The following PIK3C2G variants were observed in gnomAD, a reference collection of about 807,000 sequenced individuals.
PIK3C2G encodes the protein phosphatidylinositol-4-phosphate 3-kinase catalytic subunit type 2 gamma.
PIK3C2G carries 168 observed loss-of-function variants against 181.1 expected under a neutral mutation model. The observed-to-expected ratio is 0.93, with a 90% CI of 0.82 to 1.05. The LOEUF (loss-of-function observed/expected upper bound fraction) is 1.05, where lower values mean the gene tolerates loss of function less well. Among genes scored for constraint, PIK3C2G ranks in the 50% least tolerant of loss-of-function variants. The probability of loss-of-function intolerance (pLI) is 0.00; values close to 1 mark genes in which losing one functional copy is unlikely to be tolerated. For synonymous variants in PIK3C2G, 573 were observed against 592.2 expected, an observed-to-expected ratio of 0.97 and a Z score of 0.47; for missense variants, 1,869 against 1,732.8, an observed-to-expected ratio of 1.08 and a Z score of -1.40.
chr12:18,601,758 A>C (rs765533807), intron 30 of PIK3C2G, among the ~76,000 whole-genome samples: 4 of 152,186 alleles, frequency 2.6e-5, no homozygotes, highest in Admixed American at 6.5e-5. Context: ...AACAACAAAA[A>C]ACGTCCAAAT....
At chr12:18,658,891 G>A in the PIK3C2G span, among the ~76,000 whole-genome samples, 7 of 152,116 alleles carry the variant, frequency 4.6e-5, no homozygotes, top group African/African-American at 1.7e-4. Context: ...TATGAAACCT[G>A]TAAAAATGAG....
chr12:18,560,867 A>G (rs1945309110), intron 26 of PIK3C2G, among the ~76,000 whole-genome samples: 1 of 152,214 alleles, frequency 6.6e-6, no homozygotes, highest in South Asian at 2.1e-4. Context: ...TTGCAGAAAG[A>G]GAAACTTCCT....
At position 18,371,252 on chromosome 12, in the gene PIK3C2G, C is replaced by T; in HGVS notation, c.1821C>T (p.Ala607=). Residue 607 remains alanine (A), a synonymous_variant, in exon 13 of 33, where the codon GCC becomes GCT. Transcript: ENST00000538779. The part of the protein sequence containing the change: ...SMLTVKLFGI[A]CATNNANLLA... The stretch of plus-strand genomic sequence containing the variant: ...TCACTGTAAAACTGTTTGGGATTGC[C>T]TGTGCAACCAACAATGCAAATTTAC... 1 of 1,612,378 alleles carries T rather than the reference C, an allele frequency of 6.2e-7. No homozygotes were observed. The highest frequency in any genetic ancestry group is 8.5e-7 in the Non-Finnish European group (1 of 1,179,018).
chr12:18,673,902 T>C, the PIK3C2G span, among the ~76,000 whole-genome samples: 1 of 152,186 alleles, frequency 6.6e-6, no homozygotes, highest in African/African-American at 2.4e-5. Context: ...GCTTGCTTCA[T>C]CATAGTGTGC....
At chr12:18,273,958 GA>G (rs1215952737) in intron 1 of PIK3C2G, among the ~76,000 whole-genome samples, 9 of 150,852 alleles carry the variant, frequency 6.0e-5, no homozygotes, top group East Asian at 2.0e-4. Context: ...AAATTTACAA[GA>G]AAAAAAACAA....
chr12:18,445,133 G>C (rs1946954738), intron 18 of PIK3C2G, among the ~76,000 whole-genome samples: 3 of 152,148 alleles, frequency 2.0e-5, no homozygotes, highest in Admixed American at 2.0e-4. Context: ...TAAAAAATTA[G>C]AAGAGAGAAA....
the PIK3C2G span, chr12:18,699,679 G>T: frequency 8.9e-7 from 1 of 1,123,554 alleles, no homozygotes; most frequent in Non-Finnish European, 1.3e-6. Flanking sequence ...TATGTTAAAT[G>T]TGTTGAAATT....
intron 29 of PIK3C2G, among the ~76,000 whole-genome samples, chr12:18,573,174 A>G (rs1273620181): frequency 2.6e-5 from 4 of 152,182 alleles, no homozygotes; most frequent in Non-Finnish European, 5.9e-5. Context: ...TTGTAGAAAT[A>G]ATTTACCACC....
At chr12:18,563,090 A>G (rs1266446614) in intron 27 of PIK3C2G, among the ~76,000 whole-genome samples, 198 bp downstream of exon 27, 1 of 152,256 alleles carries the variant, frequency 6.6e-6, no homozygotes, top group Non-Finnish European at 1.5e-5. Context: ...GTAGAGAACC[A>G]TCAAAGAGAA....
At chr12:18,467,237 T>C (rs1404558556) in intron 18 of PIK3C2G, among the ~76,000 whole-genome samples, 2 of 152,106 alleles carry the variant, frequency 1.3e-5, no homozygotes, top group African/African-American at 2.4e-5. Context: ...ATATTAAATA[T>C]ACAGACACAG....
chr12:18,719,633 C>T, the PIK3C2G span: 1 of 1,578,132 alleles, frequency 6.3e-7, no homozygotes, highest in Non-Finnish European at 8.6e-7. Flanking sequence ...GCTTTCCTAA[C>T]TAAAAAAATA....
intron 17 of PIK3C2G, among the ~76,000 whole-genome samples, chr12:18,422,620 T>A (rs12581163): frequency 6.6e-6 from 1 of 151,714 alleles, no homozygotes; most frequent in African/African-American, 2.4e-5. Flanking sequence ...ACCAGAAAAA[T>A]TGTCTACATT....
intron 26 of PIK3C2G, among the ~76,000 whole-genome samples, chr12:18,560,296 A>G (rs1945282040): frequency 1.3e-5 from 2 of 152,160 alleles, no homozygotes; most frequent in African/African-American, 4.8e-5. Flanking sequence ...AACAAGAAAA[A>G]GATAAATAAG....
chr12:18,680,107 G>A, the PIK3C2G span, among the ~76,000 whole-genome samples: 6 of 151,962 alleles, frequency 3.9e-5, no homozygotes, highest in Admixed American at 3.3e-4. Flanking sequence ...TAATTAAACA[G>A]ATGTTTTTGC....
At chr12:18,613,825 C>A (rs1335039229) in intron 31 of PIK3C2G, among the ~76,000 whole-genome samples, 1 of 152,032 alleles carries the variant, frequency 6.6e-6, no homozygotes, top group Non-Finnish European at 1.5e-5. Context: ...ACTCTACACA[C>A]AATGTGGTGA....
chr12:18,362,951 T>C (rs990510927), intron 12 of PIK3C2G, 65 bp downstream of exon 12: 9 of 1,295,656 alleles, frequency 6.9e-6, no homozygotes, highest in African/African-American at 3.0e-5. Flanking sequence ...TCCCCCTTTT[T>C]TTAAAAGCAA....
chr12:18,657,658 G>A, the PIK3C2G span, among the ~76,000 whole-genome samples: 1 of 152,070 alleles, frequency 6.6e-6, no homozygotes, highest in Middle Eastern at 3.2e-3. Flanking sequence ...GTTCAGAGAA[G>A]GCACTAAACA....
intron 13 of PIK3C2G, among the ~76,000 whole-genome samples, chr12:18,375,800 G>A (rs1424394113): frequency 9.2e-5 from 14 of 152,222 alleles, no homozygotes; most frequent in Admixed American, 4.6e-4. Context: ...TGCAGCATCA[G>A]GACACTGCTC....
At chr12:18,274,898 C>G (rs1180365134) in intron 1 of PIK3C2G, among the ~76,000 whole-genome samples, 1 of 152,186 alleles carries the variant, frequency 6.6e-6, no homozygotes, top group Non-Finnish European at 1.5e-5. Flanking sequence ...CCATATTAAA[C>G]TGTCTTCAAT....
Sources: gnomAD v4.1 joint callset for allele counts (sites outside exome capture counted in the v4.1 genomes callset) on GRCh38, gnomAD v4.1.1 for gene constraint, MANE v1.5 for transcripts, NCBI Gene and HGNC (gene_info 2026-07-23, HGNC 2026-07-21) for gene names.